The following NBEA variants were observed in gnomAD, a reference collection of about 807,000 sequenced individuals.
The protein encoded by NBEA is neurobeachin.
Under a neutral mutation model 343.4 loss-of-function variants are expected in NBEA, and 44 were observed. The observed-to-expected ratio is 0.13, with a 90% CI of 0.10 to 0.16. The LOEUF is 0.16. NBEA is among the 10% of genes least tolerant of loss of function. NBEA has a pLI of 1.00. For synonymous variants in NBEA, 1,175 were observed against 1,238.7 expected, an observed-to-expected ratio of 0.95 and a Z score of 1.08; for missense variants, 2,555 against 3,631.3, an observed-to-expected ratio of 0.70 and a Z score of 7.62.
chr13:35,564,673 T>C (rs1275400442), intron 44 of NBEA, among the ~76,000 whole-genome samples: 1 of 152,202 alleles, frequency 6.6e-6, no homozygotes, highest in Non-Finnish European at 1.5e-5. Flanking sequence ...TCATCATTAG[T>C]ATTATTCACC....
At chr13:35,645,129 A>T (rs1307356451) in intron 49 of NBEA, among the ~76,000 whole-genome samples, 1 of 152,204 alleles carries the variant, frequency 6.6e-6, no homozygotes, top group African/African-American at 2.4e-5. Flanking sequence ...TATAAATTAG[A>T]ATTGTAGATA....
chr13:35,130,136 AG>A (rs2067336457), intron 17 of NBEA, among the ~76,000 whole-genome samples: 1 of 152,150 alleles, frequency 6.6e-6, no homozygotes, highest in Non-Finnish European at 1.5e-5. Flanking sequence ...GGATGTTGAC[AG>A]TGGGGAAAGC....
intron 39 of NBEA, among the ~76,000 whole-genome samples, chr13:35,451,776 A>ACAT (rs1183708260): frequency 2.0e-5 from 3 of 152,244 alleles, no homozygotes; most frequent in Non-Finnish European, 4.4e-5. Context: ...GAGCCCTAAG[A>ACAT]CATGGATCTT....
chr13:35,373,522 G>A (rs1212361990), intron 38 of NBEA, among the ~76,000 whole-genome samples: 1 of 150,800 alleles, frequency 6.6e-6, no homozygotes, highest in Non-Finnish European at 1.5e-5. Context: ...CTGGGTGACA[G>A]GACAAAACCC....
At chr13:35,608,661 T>TAATA (rs1872845451) in intron 48 of NBEA, among the ~76,000 whole-genome samples, 1 of 152,186 alleles carries the variant, frequency 6.6e-6, no homozygotes, top group African/African-American at 2.4e-5. Context: ...TATAGTCTAT[T>TAATA]AAGTCCAAAC....
chr13:35,649,560 T>C (rs1261785513), intron 51 of NBEA, 95 bp from the exon 52 acceptor site: 2 of 1,032,718 alleles, frequency 1.9e-6, no homozygotes, highest in African/African-American at 1.6e-5. Flanking sequence ...GTGCTCGTGC[T>C]AGCCTTGTCT....
intron 23 of NBEA, among the ~76,000 whole-genome samples, chr13:35,162,225 A>G (rs575135227): frequency 6.6e-6 from 1 of 152,310 alleles, no homozygotes; most frequent in South Asian, 2.1e-4. Context: ...CAGTTCAAAG[A>G]TGATAACTTA....
chr13:35,217,011 A>G (rs2074100721), intron 33 of NBEA, among the ~76,000 whole-genome samples: 1 of 151,934 alleles, frequency 6.6e-6, no homozygotes, highest in African/African-American at 2.4e-5. Flanking sequence ...TTATGTTTCC[A>G]CTGGCAATGT....
intron 17 of NBEA, among the ~76,000 whole-genome samples, chr13:35,127,306 C>A (rs2067185727): frequency 6.6e-6 from 1 of 152,090 alleles, no homozygotes; most frequent in African/African-American, 2.4e-5. Flanking sequence ...AGCCATACAG[C>A]AAATTATTTC....
intron 39 of NBEA, among the ~76,000 whole-genome samples, chr13:35,449,648 A>G (rs538469425): frequency 5.9e-5 from 9 of 152,310 alleles, no homozygotes; most frequent in African/African-American, 2.2e-4. Context: ...CCCTCAGAAG[A>G]TTACTCTTGG....
chr13:35,649,253 T>G (rs573401792), intron 51 of NBEA, among the ~76,000 whole-genome samples: 3 of 152,348 alleles, frequency 2.0e-5, no homozygotes, highest in Admixed American at 6.5e-5. Context: ...CAATTCACTT[T>G]ATATTTCGTG....
At chr13:35,492,177 A>C (rs2076525246) in intron 41 of NBEA, among the ~76,000 whole-genome samples, 1 of 151,882 alleles carries the variant, frequency 6.6e-6, no homozygotes, top group South Asian at 2.1e-4. Flanking sequence ...GACACAGTGG[A>C]GTTTGGGAAC....
chr13:35,257,309 G>A (rs1310142381), intron 34 of NBEA, among the ~76,000 whole-genome samples: 2 of 152,142 alleles, frequency 1.3e-5, no homozygotes, highest in East Asian at 3.9e-4. Context: ...GATGCTAACT[G>A]TTCTGAATTT....
chr13:35,299,674 A>G (rs2036399328), intron 35 of NBEA, among the ~76,000 whole-genome samples: 1 of 152,200 alleles, frequency 6.6e-6, no homozygotes, highest in Non-Finnish European at 1.5e-5. Context: ...TCCCCATGAA[A>G]ATAAAAGGTT....
intron 38 of NBEA, among the ~76,000 whole-genome samples, chr13:35,367,247 G>A (rs1164818807): frequency 1.3e-5 from 2 of 151,128 alleles, no homozygotes; most frequent in African/African-American, 4.8e-5. Flanking sequence ...GGGTTTTGAA[G>A]CCTGTCAGTA....
chr13:35,300,369 G>A (rs1048790883), intron 35 of NBEA, among the ~76,000 whole-genome samples: 2 of 152,062 alleles, frequency 1.3e-5, no homozygotes, highest in African/African-American at 4.8e-5. Flanking sequence ...AAAAAGAAAT[G>A]TGCATCAGTA....
intron 10 of NBEA, among the ~76,000 whole-genome samples, chr13:35,083,881 G>C (rs572597171): frequency 6.6e-6 from 1 of 152,142 alleles, no homozygotes; most frequent in South Asian, 2.1e-4. Context: ...GATGGAGGAA[G>C]ATCTACCAAG....
intron 10 of NBEA, among the ~76,000 whole-genome samples, chr13:35,094,732 A>C (rs1292255985): frequency 6.6e-6 from 1 of 152,012 alleles, no homozygotes; most frequent in African/African-American, 2.4e-5. Context: ...TATGATATTA[A>C]ATATTTTACA....
At chr13:35,414,712 G>T (rs990773414) in intron 38 of NBEA, among the ~76,000 whole-genome samples, 1 of 152,134 alleles carries the variant, frequency 6.6e-6, no homozygotes, top group African/African-American at 2.4e-5. Context: ...TGTCTTTATA[G>T]CAGCATGATT....
Sources: gnomAD v4.1 joint callset for allele counts (sites outside exome capture counted in the v4.1 genomes callset) on GRCh38, gnomAD v4.1.1 for gene constraint, MANE v1.5 for transcripts, NCBI Gene and HGNC (gene_info 2026-07-23, HGNC 2026-07-21) for gene names.